The following NALF1 variants were observed in gnomAD, a reference collection of about 807,000 sequenced individuals.
The protein encoded by NALF1 is family with sequence similarity 155 member A.
NALF1 carries 3 observed loss-of-function variants against 48.4 expected under a neutral mutation model. The ratio of observed to expected loss-of-function variants is 0.06; its 90% CI spans 0.03 to 0.16. NALF1 has a LOEUF of 0.16. NALF1 is among the 10% of genes least tolerant of loss of function. NALF1 has a pLI of 1.00. For missense variants in NALF1, 526 were observed against 571.5 expected (o/e 0.92, Z 0.81); for synonymous variants, 262 against 245.7 (o/e 1.07, Z -0.62).
intron 1 of NALF1, among the ~76,000 whole-genome samples, chr13:107,777,555 GC>G (rs1877773035): frequency 6.6e-6 from 1 of 152,064 alleles, no homozygotes; most frequent in South Asian, 2.1e-4. Context: ...CACCTTCCCC[GC>G]AACTCTTTCT....
intron 1 of NALF1, among the ~76,000 whole-genome samples, chr13:107,380,875 G>A (rs1435899998): frequency 2.0e-5 from 3 of 150,714 alleles, no homozygotes; most frequent in African/African-American, 4.9e-5. Context: ...CTACTCGGGA[G>A]GCTGAGGCAG....
intron 1 of NALF1, among the ~76,000 whole-genome samples, chr13:107,392,791 C>T (rs942688627): frequency 6.6e-6 from 1 of 152,228 alleles, no homozygotes. Flanking sequence ...CATCACAAAA[C>T]CTGTTTGGTG....
At chr13:107,713,402 A>G (rs1243234915) in intron 1 of NALF1, among the ~76,000 whole-genome samples, 1 of 152,192 alleles carries the variant, frequency 6.6e-6, no homozygotes, top group Non-Finnish European at 1.5e-5. Context: ...ATGTAATGAT[A>G]TGGCTCATAT....
intron 1 of NALF1, among the ~76,000 whole-genome samples, chr13:107,732,052 A>T (rs1876324658): frequency 6.6e-6 from 1 of 152,130 alleles, no homozygotes; most frequent in Non-Finnish European, 1.5e-5. Flanking sequence ...CACGTAGGTT[A>T]TTAACTTCTC....
At chr13:107,278,190 A>G (rs1463046488) in intron 1 of NALF1, among the ~76,000 whole-genome samples, 1 of 152,204 alleles carries the variant, frequency 6.6e-6, no homozygotes, top group Non-Finnish European at 1.5e-5. Context: ...AGAGTCTATC[A>G]TTGGCTGGAT....
At chr13:107,614,324 T>C (rs1879320524) in intron 1 of NALF1, among the ~76,000 whole-genome samples, 1 of 152,212 alleles carries the variant, frequency 6.6e-6, no homozygotes, top group Non-Finnish European at 1.5e-5. Flanking sequence ...TGTAAGTACA[T>C]GTGTTCTTGT....
chr13:107,384,455 T>C (rs1176564913), intron 1 of NALF1, among the ~76,000 whole-genome samples: 1 of 152,186 alleles, frequency 6.6e-6, no homozygotes, highest in Non-Finnish European at 1.5e-5. Context: ...AGCAAATTAC[T>C]CCTTCAAAGT....
chr13:107,235,057 A>T (rs1292866375), intron 1 of NALF1, among the ~76,000 whole-genome samples: 1 of 152,140 alleles, frequency 6.6e-6, no homozygotes, highest in East Asian at 1.9e-4. Flanking sequence ...AATATCCATC[A>T]TGCCCACGTT....
Position 107,590,939 on chromosome 13 carries a change from A to G in NALF1, c.915+274743T>C, listed in dbSNP as rs145374495. Among the ~76,000 whole-genome samples the G allele has an allele frequency of 7.9e-4, 120 of 152,138 alleles. 1 individual carries two copies. The highest frequency in any genetic ancestry group is 2.8e-3 in the African/African-American group (118 of 41,546). ...TAGCTGTAGTTGATGGATTAAACAT[A>G]GAAGTCATAGGATAGGTAGGATTGT... On this transcript the variant is annotated intron_variant, in intron 1 of 2. Coordinates refer to ENST00000375915, the MANE Select transcript of NALF1 (RefSeq NM_001080396.3).
intron 2 of NALF1, among the ~76,000 whole-genome samples, chr13:107,203,674 C>A (rs568227457): frequency 6.6e-6 from 1 of 152,150 alleles, no homozygotes; most frequent in Non-Finnish European, 1.5e-5. Flanking sequence ...CAGTGGTTCC[C>A]TGGGGCAGCT....
chr13:107,356,823 G>A (rs1303353011), intron 1 of NALF1, among the ~76,000 whole-genome samples: 1 of 152,172 alleles, frequency 6.6e-6, no homozygotes, highest in African/African-American at 2.4e-5. Context: ...AATCAACCAG[G>A]ACCAACACAT....
chr13:107,297,554 A>C (rs1246073178), intron 1 of NALF1, among the ~76,000 whole-genome samples: 2 of 152,216 alleles, frequency 1.3e-5, no homozygotes, highest in African/African-American at 4.8e-5. Flanking sequence ...CAAAGGCTAC[A>C]CTTCAGAAAA....
chr13:107,802,384 T>C (rs1381348444), intron 1 of NALF1, among the ~76,000 whole-genome samples: 2 of 152,210 alleles, frequency 1.3e-5, no homozygotes, highest in East Asian at 1.9e-4. Context: ...TTTACTTGTA[T>C]ATATTTCAGA....
chr13:107,221,258 C>T (rs921921664), intron 1 of NALF1, among the ~76,000 whole-genome samples: 5 of 152,100 alleles, frequency 3.3e-5, no homozygotes, highest in Admixed American at 6.5e-5. Context: ...CCAAAAACCA[C>T]TTGCACCACT....
Position 107,602,443 on chromosome 13 carries a change from C to T in NALF1, c.915+263239G>A, listed in dbSNP as rs149314217. 1.2e-3 allele frequency among the ~76,000 whole-genome samples: 183 copies of T among 152,280 alleles called. 1 individual carries two copies. The highest frequency in any genetic ancestry group is 3.7e-3 in the African/African-American group (155 of 41,562). ...TGGGGTCCTTGGCCCAGTCACTCAACCTCCCTAAGATAGTTTTCCCATCTT... is the reference window on the plus strand; with the variant it reads ...TGGGGTCCTTGGCCCAGTCACTCAATCTCCCTAAGATAGTTTTCCCATCTT... On this transcript the variant is annotated intron_variant, in intron 1 of 2. Transcript: ENST00000375915.
intron 1 of NALF1, among the ~76,000 whole-genome samples, chr13:107,630,367 AT>A (rs1186766662): frequency 1.3e-5 from 2 of 151,910 alleles, no homozygotes; most frequent in African/African-American, 4.8e-5. Flanking sequence ...TTTCTGAACT[AT>A]TTTTTCTCCC....
At chr13:107,734,540 T>C (rs1215583148) in intron 1 of NALF1, among the ~76,000 whole-genome samples, 1 of 152,136 alleles carries the variant, frequency 6.6e-6, no homozygotes, top group Non-Finnish European at 1.5e-5. Flanking sequence ...CTAAGAGTTA[T>C]TATTTTTAAA....
intron 1 of NALF1, among the ~76,000 whole-genome samples, chr13:107,288,688 C>T (rs1011364338): frequency 2.6e-5 from 4 of 151,290 alleles, no homozygotes; most frequent in South Asian, 2.1e-4. Flanking sequence ...CCTGCCACCA[C>T]GCCCGGCTAA....
At chr13:107,625,250 G>A (rs1924430) in intron 1 of NALF1, among the ~76,000 whole-genome samples, 88,096 of 151,874 alleles carry the variant, frequency 0.58, 27,974 homozygotes, top group East Asian at 0.99. Context: ...ATGTACTTGA[G>A]AAACAATGAA....
Sources: gnomAD v4.1 joint callset for allele counts (sites outside exome capture counted in the v4.1 genomes callset) on GRCh38, gnomAD v4.1.1 for gene constraint, MANE v1.5 for transcripts, NCBI Gene and HGNC (gene_info 2026-07-23, HGNC 2026-07-21) for gene names.